GABRE: variants seen among roughly 807,000 people sequenced by gnomAD.
GABRE encodes the protein gamma-aminobutyric acid type A receptor subunit epsilon, also known as gamma-aminobutyric acid receptor subunit epsilon.
A neutral mutation model predicts 31.0 loss-of-function variants in GABRE; 20 were observed. The ratio of observed to expected loss-of-function variants is 0.64; its 90% CI spans 0.45 to 0.94. The LOEUF is 0.94. GABRE is among the 40% of genes least tolerant of loss of function. The pLI is 0.00. For synonymous variants in GABRE, 155 were observed against 150.6 expected, an observed-to-expected ratio of 1.03 and a Z score of -0.21; for missense variants, 420 against 410.7, an observed-to-expected ratio of 1.02 and a Z score of -0.20.
intron 1 of GABRE, 73 bp downstream of exon 1, chrX:151,974,497 C>CG: frequency 2.7e-6 from 2 of 749,796 alleles, no homozygotes; most frequent in East Asian, 4.2e-5. Flanking sequence ...GCTGGGGTCC[C>CG]GGGAGCCGTC....
In GABRE at chrX:151,974,665, G is replaced by C. The variant is rs773413910; in HGVS notation, c.-40C>G. On this transcript the variant is annotated 5_prime_UTR_variant, in exon 1 of 9. Transcript: ENST00000370328. ...GCGCGACCACCTGCGCGGAGGTCGC[G>C]GCTCACGCTCTGGCCGCACTGAGCG... is the stretch of plus-strand genomic sequence containing the variant. The C allele has an allele frequency of 5.7e-6, 6 of 1,060,519 alleles. No homozygotes were observed. The African/African-American group carries it at 1.1e-4, about 20-fold the overall frequency. 87.4% of individuals were successfully genotyped at this position (1,060,519 alleles called of 1,213,427 possible).
chrX:151,969,378 C>A (rs1934617261), intron 3 of GABRE: 2 of 216,393 alleles, frequency 9.2e-6, no homozygotes, highest in Non-Finnish European at 8.3e-6. Flanking sequence ...CAATAATTAT[C>A]AGAAGAAAAG....
Position 151,955,509 on chromosome X carries a change from C to A in GABRE, c.996G>T (p.Pro332=), listed in dbSNP as rs141917924. The A allele has an allele frequency of 8.3e-7, 1 of 1,211,636 alleles. No individual in the cohort carries two copies. Among genetic ancestry groups the A allele is most frequent in the Non-Finnish European group, 1.1e-6 (1 of 895,349 alleles). Reference sequence around the variant, plus strand: ...CCAAGGCTGTGATATAGGAGACACGCGGGAAATTCTTACGAGAAAAGGTGC... The same window carrying A: ...CCAAGGCTGTGATATAGGAGACACGAGGGAAATTCTTACGAGAAAAGGTGC... ...TLGTFSRKNF[P]RVSYITALDF... Residue 332 remains proline (P), a synonymous_variant, in exon 8 of 9, where the codon CCG becomes CCT. Transcript: ENST00000370328.
In GABRE at chrX:151,955,460, C is replaced by G. The variant is rs774731784; in HGVS notation, c.1045G>C (p.Val349Leu). The change falls in exon 8 of 9, where the codon GTC becomes CTC. Residue 349 changes from valine (V) to leucine (L), a missense_variant. Val to Leu is a conservative substitution (Grantham distance 32). Transcript: ENST00000370328. ...ALDFYIAICF[V>L]FCFCALLEFA... ...TCCAACAGAGCGCAGAAGCAGAAGACGAAGCAGATGGCGATATAGAAATCC... is the reference window on the plus strand; with the variant it reads ...TCCAACAGAGCGCAGAAGCAGAAGAGGAAGCAGATGGCGATATAGAAATCC... 2.5e-6 allele frequency: 3 copies of G among 1,211,269 alleles called. No homozygotes were observed. The Admixed American group carries it at 6.5e-5, about 26-fold the overall frequency.
chrX:151,960,769 A>T lies in GABRE; in HGVS notation c.646+514T>A, dbSNP rs1322408756. The stretch of plus-strand genomic sequence containing the variant: ...CTGTACAGGGTGCAGAGAAATAGAC[A>T]GCATCGATAGAGACTGGGAGGAAAC... On this transcript the variant is annotated intron_variant, in intron 5 of 8. Coordinates refer to ENST00000370328, the MANE Select transcript of GABRE (RefSeq NM_004961.4). Among the ~76,000 whole-genome samples the T allele has an allele frequency of 3.4e-4, 38 of 111,654 alleles. 1 individual carries two copies. Among genetic ancestry groups the T allele is most frequent in the Non-Finnish European group, 5.6e-5 (3 of 53,165 alleles).
chrX:151,970,335 G>A lies in GABRE; in HGVS notation c.124C>T (p.Pro42Ser). 8.3e-7 allele frequency: 1 copy of A among 1,211,656 alleles called. No individual in the cohort carries two copies. Among genetic ancestry groups the A allele is most frequent in the Non-Finnish European group, 1.1e-6 (1 of 895,527 alleles). Residue 42 changes from proline to serine, a missense_variant, in exon 2 of 9, where the codon CCC (proline) becomes TCC (serine). Physicochemically the swap from Pro to Ser is moderately conservative, Grantham distance 74. Transcript: ENST00000370328. ...AGGAGCTGATTTTCCAGAGGCTGGG[G>A]CTGGGGGCCATAGACAACATCACGG... ...SSRDVVYGPQPQPLENQLLSE... is the reference protein window; with the variant it reads ...SSRDVVYGPQSQPLENQLLSE...
chrX:151,974,479 G>A lies in GABRE; in HGVS notation c.56+91C>T. ...AAAGCGGGCGCGGGGCTCGAGGAACGCGGGGCCGCTGGGGTCCCGGGAGCC... is the reference window on the plus strand; with the variant it reads ...AAAGCGGGCGCGGGGCTCGAGGAACACGGGGCCGCTGGGGTCCCGGGAGCC... On this transcript the variant is annotated intron_variant, in intron 1 of 8. Coordinates refer to ENST00000370328, the MANE Select transcript of GABRE (RefSeq NM_004961.4). The A allele has an allele frequency of 8.1e-6, 5 of 618,977 alleles. No individual in the cohort carries two copies. In the South Asian group the frequency reaches 1.3e-4, roughly 16 times the overall value. 51.0% of individuals were successfully genotyped at this position (618,977 alleles called of 1,213,427 possible).
intron 7 of GABRE, 49 bp from the exon 8 acceptor site, chrX:151,955,616 A>T (rs778197680): frequency 1.7e-6 from 2 of 1,200,565 alleles, no homozygotes; most frequent in Non-Finnish European, 2.3e-6. Context: ...TATGTGCGAC[A>T]TTGGTTAAAA....
chrX:151,974,427 T>C (rs1934831167), intron 1 of GABRE, 143 bp downstream of exon 1: 1 of 381,321 alleles, frequency 2.6e-6, no homozygotes, highest in African/African-American at 2.7e-5. Context: ...GACGCGGGAC[T>C]CGGCCAGCCC....
Position 151,970,081 on chromosome X carries a change from C to T in GABRE, c.274+104G>A, listed in dbSNP as rs980291795. ...ACAGGTCAATAGCAGATGTTCCTGT[C>T]CATGAGCATGGCACCCTCTGTTACT... is the stretch of plus-strand genomic sequence containing the variant. On this transcript the variant is annotated intron_variant, in intron 2 of 8. Coordinates refer to ENST00000370328, the MANE Select transcript of GABRE (RefSeq NM_004961.4). The T allele has an allele frequency of 4.8e-5, 56 of 1,154,812 alleles. No individual in the cohort carries two copies. The Admixed American group carries it at 1.4e-3, about 29-fold the overall frequency.
rs376579004 is a variant in GABRE at position 151,970,525 on chromosome X, T to C, written c.57-123A>G. Reference sequence around the variant, plus strand: ...ACACAAAACCTAGTTAAATTGTGACTGGTAATAGCAAATTATAAGACAGTG... The same window carrying C: ...ACACAAAACCTAGTTAAATTGTGACCGGTAATAGCAAATTATAAGACAGTG... On this transcript the variant is annotated intron_variant, in intron 1 of 8. Coordinates refer to ENST00000370328, the MANE Select transcript of GABRE (RefSeq NM_004961.4). The C allele has an allele frequency of 1.5e-5, 12 of 780,054 alleles. No homozygotes were observed. In the African/African-American group the frequency reaches 1.9e-4, roughly 12 times the overall value. The allele number at this position is 780,054 out of a possible 1,213,427, so 64.3% of individuals were successfully genotyped here.
In GABRE at chrX:151,972,272, G is replaced by T. The variant is rs1179366821; in HGVS notation, c.57-1870C>A. 3 of 751,850 alleles carry T rather than the reference G, an allele frequency of 4.0e-6. No individual in the cohort carries two copies. The Admixed American group carries it at 2.7e-4, about 67-fold the overall frequency. 62.0% of individuals were successfully genotyped at this position (751,850 alleles called of 1,213,427 possible). A position where few individuals can be genotyped will look rare whatever the true frequency, so the allele number is the denominator to read the frequency against. ...GTGGCTACTTCCCATTGTGGGCGAG[G>T]GAAGAACTGGGCTTGGAAAATACAG... is the stretch of plus-strand genomic sequence containing the variant. On this transcript the variant is annotated intron_variant, in intron 1 of 8. Coordinates refer to ENST00000370328, the MANE Select transcript of GABRE (RefSeq NM_004961.4).
rs1934087834 is a variant in GABRE at position 151,954,825 on chromosome X, C to T, written c.1397G>A (p.Ser466Asn). The change falls in exon 9 of 9, where the codon AGT (serine) becomes AAT (asparagine). Residue 466 changes from serine (S) to asparagine (N), a missense_variant. By Grantham distance (46) the Ser-to-Asn change is conservative (BLOSUM62 1). Coordinates refer to ENST00000370328, the MANE Select transcript of GABRE (RefSeq NM_004961.4). Reference sequence around the variant, plus strand: ...GCAGAGGCGGCCCTGCTGCCAGGTACTGCCCTCACAATCGGGGACCATGCA... The same window carrying T: ...GCAGAGGCGGCCCTGCTGCCAGGTATTGCCCTCACAATCGGGGACCATGCA... ...YFCMVPDCEG[S>N]TWQQGRLCIH... The T allele has an allele frequency of 8.3e-7, 1 of 1,210,557 alleles. No individual in the cohort carries two copies. Among genetic ancestry groups the T allele is most frequent in the African/African-American group, 1.7e-5 (1 of 57,334 alleles).
rs778294557 is a variant in GABRE at position 151,955,879 on chromosome X, A to T, written c.785-19T>A. 8.3e-7 allele frequency: 1 copy of T among 1,209,081 alleles called. No homozygotes were observed. Among genetic ancestry groups the T allele is most frequent in the South Asian group, 1.8e-5 (1 of 56,810 alleles). ...AAGTCACCTGAAAGACACAAAAAACATCACTGCATTACAGTGCTGACACGA... is the reference window on the plus strand; with the variant it reads ...AAGTCACCTGAAAGACACAAAAAACTTCACTGCATTACAGTGCTGACACGA... On this transcript the variant is annotated intron_variant, in intron 6 of 8. Coordinates refer to ENST00000370328, the MANE Select transcript of GABRE (RefSeq NM_004961.4).
intron 4 of GABRE, among the ~76,000 whole-genome samples, chrX:151,961,592 G>A (rs907041041): frequency 4.5e-5 from 5 of 110,807 alleles, no homozygotes; most frequent in African/African-American, 1.6e-4. Context: ...CTAGCCTCCC[G>A]AGTAGCTGGA....
chrX:151,971,537 C>T (rs1299932088), intron 1 of GABRE: 1 of 161,151 alleles, frequency 6.2e-6, no homozygotes, highest in African/African-American at 3.2e-5. Context: ...ATATTAATGA[C>T]TAGAAATACA....
chrX:151,970,234 C>T lies in GABRE; in HGVS notation c.225G>A (p.Leu75=), dbSNP rs950034333. ...VGKLPEASRI[L]NTILSNYDHK... is the part of the protein sequence containing the mutation. ...GGTCATAATTACTCAGGATAGTGTT[C>T]AGGATGCGAGAGGCTTCTGGCAGTT... Residue 75 remains leucine, a synonymous_variant, in exon 2 of 9, where the codon CTG becomes CTA. Coordinates refer to ENST00000370328, the MANE Select transcript of GABRE (RefSeq NM_004961.4). 9.1e-6 allele frequency: 11 copies of T among 1,210,537 alleles called. No homozygotes were observed. The African/African-American group carries it at 1.6e-4, about 17-fold the overall frequency.
chrX:151,962,157 G>A (rs777101102), intron 4 of GABRE, among the ~76,000 whole-genome samples: 1 of 112,305 alleles, frequency 8.9e-6, no homozygotes, highest in South Asian at 3.7e-4. Context: ...GCACATCCTA[G>A]TTGAGGGAGC....
At chrX:151,955,898 G>A in intron 6 of GABRE, 38 bp from the exon 7 acceptor site, 1 of 1,186,532 alleles carries the variant, frequency 8.4e-7, no homozygotes, top group Non-Finnish European at 1.1e-6. Context: ...TTACAGTGCT[G>A]ACACGACGGT....
Sources: gnomAD v4.1 joint callset for allele counts (sites outside exome capture counted in the v4.1 genomes callset) on GRCh38, gnomAD v4.1.1 for gene constraint, MANE v1.5 for transcripts, NCBI Gene and HGNC (gene_info 2026-07-23, HGNC 2026-07-21) for gene names.